The following INTS9 variants were observed in gnomAD, a reference collection of about 807,000 sequenced individuals.
INTS9 encodes protein related to CPSF subunits of 74 kDa.
INTS9 carries 55 observed loss-of-function variants against 79.7 expected under a neutral mutation model. That is an observed-to-expected ratio of 0.69 (90% CI 0.56 to 0.86). The LOEUF is 0.86. Among genes scored for constraint, INTS9 ranks in the 40% least tolerant of loss-of-function variants. The probability of loss-of-function intolerance (pLI) is 0.00; values close to 1 mark genes in which losing one functional copy is unlikely to be tolerated. For synonymous variants in INTS9, 319 were observed against 325.2 expected (o/e 0.98, Z 0.20); for missense variants, 721 against 831.5 (o/e 0.87, Z 1.64).
At chr8:28,832,249 G>A (rs1311221834) in intron 6 of INTS9, among the ~76,000 whole-genome samples, 1 of 152,134 alleles carries the variant, frequency 6.6e-6, no homozygotes, top group Non-Finnish European at 1.5e-5. Flanking sequence ...AAGAGAAAAG[G>A]GAGCTGGGAA....
chr8:28,887,794 G>A lies in INTS9; in HGVS notation c.9+2080C>T, dbSNP rs931044184. ...GTTGCAAAGTAAAGAGGGAGTATGA[G>A]TATCAATAGAATACTTCCTTTTCCT... is the stretch of plus-strand genomic sequence containing the variant. On this transcript the variant is annotated intron_variant, in intron 1 of 16. Coordinates refer to ENST00000521022, the MANE Select transcript of INTS9 (RefSeq NM_018250.4). 3.9e-5 allele frequency among the ~76,000 whole-genome samples: 6 copies of A among 152,264 alleles called. 1 individual carries two copies. Among genetic ancestry groups the A allele is most frequent in the Non-Finnish European group, 2.9e-5 (2 of 68,018 alleles).
intron 2 of INTS9, among the ~76,000 whole-genome samples, chr8:28,855,410 A>C (rs774657698): frequency 1.6e-4 from 24 of 152,228 alleles, no homozygotes; most frequent in Non-Finnish European, 3.2e-4. Context: ...CTACAAGATG[A>C]CTGTGGGGAA....
At chr8:28,850,147 T>C in intron 3 of INTS9, 66 bp downstream of exon 3, 1 of 1,304,218 alleles carries the variant, frequency 7.7e-7, no homozygotes, top group African/African-American at 1.5e-5. Context: ...ACAGGGTGGC[T>C]CTGGTATGAG....
intron 8 of INTS9, among the ~76,000 whole-genome samples, chr8:28,797,521 AG>A (rs1163248471): frequency 1.3e-5 from 2 of 152,234 alleles, no homozygotes; most frequent in Non-Finnish European, 2.9e-5. Flanking sequence ...CTTGTGAACT[AG>A]GAACTCCCAG....
chr8:28,875,162 G>A (rs1451832182), intron 1 of INTS9, among the ~76,000 whole-genome samples: 1 of 152,168 alleles, frequency 6.6e-6, no homozygotes. Flanking sequence ...GGAGCTACAA[G>A]ATGAGATTTG....
chr8:28,878,591 G>C (rs1809518596), intron 1 of INTS9, among the ~76,000 whole-genome samples: 1 of 150,940 alleles, frequency 6.6e-6, no homozygotes, highest in South Asian at 2.1e-4. Flanking sequence ...CAAAGTGCTG[G>C]GATTATAGGT....
At chr8:28,865,121 A>C (rs1466334423) in intron 1 of INTS9, among the ~76,000 whole-genome samples, 25 of 152,108 alleles carry the variant, frequency 1.6e-4, no homozygotes, top group Admixed American at 1.6e-3. Flanking sequence ...CAGTATAATC[A>C]TATTATTGAA....
chr8:28,828,821 C>T (rs1224807376), intron 6 of INTS9, among the ~76,000 whole-genome samples: 1 of 152,080 alleles, frequency 6.6e-6, no homozygotes, highest in Non-Finnish European at 1.5e-5. Context: ...GCCTCAGCTC[C>T]CACGTAGCTG....
intron 1 of INTS9, among the ~76,000 whole-genome samples, chr8:28,871,803 A>C (rs1398327408): frequency 6.6e-6 from 1 of 152,194 alleles, no homozygotes; most frequent in Non-Finnish European, 1.5e-5. Context: ...CTATGAGAAA[A>C]ACTACTTTGA....
At chr8:28,815,208 A>T (rs546130265) in intron 6 of INTS9, among the ~76,000 whole-genome samples, 1 of 152,304 alleles carries the variant, frequency 6.6e-6, no homozygotes, top group East Asian at 1.9e-4. Flanking sequence ...ATAAAAGATT[A>T]AGAGAATAAA....
intron 1 of INTS9, among the ~76,000 whole-genome samples, chr8:28,879,979 T>G (rs1188483601): frequency 2.6e-5 from 4 of 152,216 alleles, no homozygotes; most frequent in African/African-American, 9.6e-5. Flanking sequence ...AACTCTGAAA[T>G]CTACTAAAAG....
At chr8:28,874,351 G>A (rs1039094675) in intron 1 of INTS9, among the ~76,000 whole-genome samples, 4 of 151,364 alleles carry the variant, frequency 2.6e-5, no homozygotes, top group Non-Finnish European at 5.9e-5. Flanking sequence ...GTGCAGTGGC[G>A]TGACCTCGGC....
Position 28,769,898 on chromosome 8 carries a change from G to T in INTS9, c.1791C>A (p.Thr597=). ...AGCGAAACCAGCTCACCTTCTCCAGGGTCTGCACGAACTGCTCCACAGGGA... is the reference window on the plus strand; with the variant it reads ...AGCGAAACCAGCTCACCTTCTCCAGTGTCTGCACGAACTGCTCCACAGGGA... ...GSIPVEQFVQ[T]LEKHGFSDIK... The change falls in exon 16 of 17, where the codon ACC becomes ACA. Residue 597 remains threonine (T), a synonymous_variant. Coordinates refer to ENST00000521022, the MANE Select transcript of INTS9 (RefSeq NM_018250.4). 6.2e-7 allele frequency: 1 copy of T among 1,614,090 alleles called. No individual in the cohort carries two copies. The highest frequency in any genetic ancestry group is 8.5e-7 in the Non-Finnish European group (1 of 1,179,984).
At position 28,832,831 on chromosome 8, in the gene INTS9, G is replaced by A. The variant is rs569103805; in HGVS notation, c.488+2461C>T. 9.3e-4 allele frequency among the ~76,000 whole-genome samples: 142 copies of A among 152,026 alleles called. 1 individual carries two copies. The highest frequency in any genetic ancestry group is 1.7e-3 in the Non-Finnish European group (113 of 67,964). ...ACAAAAATTAGCTGGGCATGGTGGCGCTCACCTGTGGTCCCAGCTACTTGG... is the reference window on the plus strand; with the variant it reads ...ACAAAAATTAGCTGGGCATGGTGGCACTCACCTGTGGTCCCAGCTACTTGG... On this transcript the variant is annotated intron_variant, in intron 6 of 16. Transcript: ENST00000521022.
chr8:28,850,235 T>C lies in INTS9; in HGVS notation c.176A>G (p.Asp59Gly), dbSNP rs1807757021. 2 of 1,613,748 alleles carry C rather than the reference T, an allele frequency of 1.2e-6. No individual in the cohort carries two copies. The highest frequency in any genetic ancestry group is 8.5e-7 in the Non-Finnish European group (1 of 1,179,734). ...TACCTTGTCCAAGAAAGCATTTCCA[T>C]CCTTCAGGGACCAGCCAGGAAGATT... ...LSNLPGWSLK[D>G]GNAFLDKELK... The change falls in exon 3 of 17, where the codon GAT (aspartate) becomes GGT (glycine). Residue 59 changes from aspartate to glycine, a missense_variant. Asp to Gly is a moderately conservative substitution (Grantham distance 94). Around this residue, in one of 3 missense-constraint regions of INTS9, gnomAD observed 291 missense variants for 307.0 expected, o/e 0.95. Transcript: ENST00000521022.
rs1437636113 is a variant in INTS9, at chr8:28,819,939, T to A, written c.489-6327A>T. On this transcript the variant is annotated intron_variant, in intron 6 of 16. Transcript: ENST00000521022. ...CTTTGTCTCTTTTGATCTTTGTTGG[T>A]TTAAAGTCTGTTTTATCAGAGACAA... Among the ~76,000 whole-genome samples, 11 of 152,324 alleles carry A rather than the reference T, an allele frequency of 7.2e-5. No homozygotes were observed. In the South Asian group the frequency reaches 2.3e-3, roughly 32 times the overall value.
rs1217311512 is a variant in INTS9 at position 28,767,824 on chromosome 8, T to C, written c.*322A>G. ...TCCCCTGGCCGAGGCCTGGGACTGA[T>C]GCAAGACAGCCAGCCAGTCACCTCC... is the stretch of plus-strand genomic sequence containing the variant. On this transcript the variant is annotated 3_prime_UTR_variant, in exon 17 of 17. Coordinates refer to ENST00000521022, the MANE Select transcript of INTS9 (RefSeq NM_018250.4). 2.5e-5 allele frequency: 9 copies of C among 359,438 alleles called. No individual in the cohort carries two copies. The highest frequency in any genetic ancestry group is 1.9e-4 in the African/African-American group (9 of 47,798). 22.3% of individuals were successfully genotyped at this position (359,438 alleles called of 1,614,324 possible).
intron 6 of INTS9, among the ~76,000 whole-genome samples, chr8:28,822,933 A>C (rs983148324): frequency 5.3e-5 from 8 of 152,002 alleles, no homozygotes. Flanking sequence ...GAGTTACTGG[A>C]GGATGTGGCC....
intron 6 of INTS9, among the ~76,000 whole-genome samples, chr8:28,814,541 AG>A: frequency 6.6e-6 from 1 of 152,266 alleles, no homozygotes; most frequent in East Asian, 1.9e-4. Flanking sequence ...TAAAAACAAG[AG>A]GAACTGTTGA....
Sources: gnomAD v4.1 joint callset for allele counts (sites outside exome capture counted in the v4.1 genomes callset) on GRCh38, gnomAD v4.1.1 for gene constraint, gnomAD v4.1.1 regional missense constraint, MANE v1.5 for transcripts, NCBI Gene and HGNC (gene_info 2026-07-23, HGNC 2026-07-21) for gene names.